Variants in CPSF4 observed in about 807,000 individuals in gnomAD.
CPSF4 encodes cleavage and polyadenylation specificity factor subunit 4.
A neutral mutation model predicts 37.7 loss-of-function variants in CPSF4; 11 were observed. The ratio of observed to expected loss-of-function variants is 0.29; its 90% CI spans 0.18 to 0.48. The LOEUF (loss-of-function observed/expected upper bound fraction) is 0.48. Ranked by LOEUF, CPSF4 falls within the 20% of genes least tolerant of loss-of-function variation. The probability of loss-of-function intolerance (pLI) is 0.99; values close to 1 mark genes in which losing one functional copy is unlikely to be tolerated. For synonymous variants in CPSF4, 132 were observed against 135.9 expected (o/e 0.97, Z 0.20); for missense variants, 144 against 359.5 (o/e 0.40, Z 4.85).
chr7:99,441,654 T>C (rs1796994961), intron 1 of CPSF4, among the ~76,000 whole-genome samples: 1 of 152,164 alleles, frequency 6.6e-6, no homozygotes, highest in South Asian at 2.1e-4. Context: ...GAAGCAACTC[T>C]AACCTCTAAA....
At chr7:99,442,877 C>G (rs1240584860) in intron 1 of CPSF4, 23 of 1,153,858 alleles carry the variant, frequency 2.0e-5, no homozygotes, top group Non-Finnish European at 2.9e-5. Context: ...TATCAAGAAC[C>G]TTTCATCAGG....
intron 3 of CPSF4, among the ~76,000 whole-genome samples, chr7:99,449,673 G>A (rs2151003375): frequency 1.3e-5 from 2 of 152,314 alleles, no homozygotes; most frequent in Middle Eastern, 6.8e-3. Flanking sequence ...GTAGCTGATA[G>A]GCCATGAGAC....
chr7:99,454,983 A>T (rs1375984711), intron 7 of CPSF4, among the ~76,000 whole-genome samples: 1 of 151,986 alleles, frequency 6.6e-6, no homozygotes, highest in Non-Finnish European at 1.5e-5. Flanking sequence ...TGGGCCCAGG[A>T]GGTCAAGCCT....
At position 99,448,534 on chromosome 7, in the gene CPSF4, GAGTGATCTGCCTGCCTC is replaced by G. The variant is rs1797705667; in HGVS notation, c.307+264_307+280del. The G allele has an allele frequency of 3.0e-6, 1 of 333,762 alleles. No homozygotes were observed. The highest frequency in any genetic ancestry group is 4.1e-5 in the South Asian group (1 of 24,412). The allele number at this position is 333,762 out of a possible 1,614,324, so 20.7% of individuals were successfully genotyped here. A position where few individuals can be genotyped will look rare whatever the true frequency, so the allele number is the denominator to read the frequency against. ...ATACTGGTCTTGAACTCCTGGGCTC[GAGTGATCTGCCTGCCTC>G]AGCCTCCCAAAGTGCTGGGATTACA... On this transcript the variant is annotated intron_variant, in intron 3 of 7. Coordinates refer to ENST00000292476, the MANE Select transcript of CPSF4 (RefSeq NM_006693.4). The surrounding 1 kb of genome is among the most constrained non-coding windows in gnomAD (Gnocchi z 4.4).
intron 1 of CPSF4, among the ~76,000 whole-genome samples, chr7:99,440,678 T>G (rs201962652): frequency 1.2e-5 from 1 of 84,174 alleles, no homozygotes; most frequent in African/African-American, 9.5e-5. Context: ...ATATATATTT[T>G]TTTTTTTTTT....
intron 2 of CPSF4, among the ~76,000 whole-genome samples, chr7:99,446,127 A>G (rs1207510551): frequency 1.3e-5 from 2 of 152,214 alleles, no homozygotes; most frequent in Non-Finnish European, 2.9e-5. Context: ...CTGGCAGATC[A>G]GCCAGGCCAC....
chr7:99,442,956 G>C (rs1307017351), intron 1 of CPSF4: 2 of 1,592,190 alleles, frequency 1.3e-6, no homozygotes, highest in East Asian at 2.2e-5. Context: ...AGTTCCAGCT[G>C]AACTTGTGAC....
intron 2 of CPSF4, among the ~76,000 whole-genome samples, chr7:99,445,678 G>C (rs1292465103): frequency 6.6e-6 from 1 of 152,166 alleles, no homozygotes; most frequent in Non-Finnish European, 1.5e-5. Flanking sequence ...GAGGTCAGGA[G>C]TTTGAGACCA....
At position 99,448,348 on chromosome 7, in the gene CPSF4, C is replaced by T; in HGVS notation, c.307+75C>T. The stretch of plus-strand genomic sequence containing the variant: ...GGGTCCGCTGGCTGCTCAGTGCCCA[C>T]ACTGTCTCTGCCTGCTTTTCCCATC... On this transcript the variant is annotated intron_variant, in intron 3 of 7. Transcript: ENST00000292476. This position sits in a 1 kb window ranked among gnomAD's most constrained non-coding sequence, Gnocchi z 4.4. The T allele has an allele frequency of 6.7e-7, 1 of 1,482,998 alleles. No individual in the cohort carries two copies. The highest frequency in any genetic ancestry group is 9.2e-7 in the Non-Finnish European group (1 of 1,087,464). 91.9% of individuals were successfully genotyped at this position (1,482,998 alleles called of 1,614,324 possible).
chr7:99,450,443 T>C, intron 4 of CPSF4, 72 bp downstream of exon 4: 2 of 1,091,994 alleles, frequency 1.8e-6, no homozygotes, highest in Non-Finnish European at 2.8e-6. Flanking sequence ...CCCTGGAGGC[T>C]GCCAGCTGGT....
chr7:99,452,682 C>G, intron 6 of CPSF4: 1 of 508,780 alleles, frequency 2.0e-6, no homozygotes, highest in Admixed American at 3.3e-5. Flanking sequence ...AGTCCAGGCG[C>G]CGTGCAACTG....
intron 1 of CPSF4, among the ~76,000 whole-genome samples, chr7:99,444,585 A>C (rs931514207): frequency 1.3e-5 from 2 of 152,082 alleles, no homozygotes; most frequent in Non-Finnish European, 2.9e-5. Context: ...TTCTCAATGT[A>C]TGTGTCTCAT....
intron 1 of CPSF4, among the ~76,000 whole-genome samples, chr7:99,441,107 C>T (rs1364755541): frequency 6.6e-6 from 1 of 151,906 alleles, no homozygotes; most frequent in Non-Finnish European, 1.5e-5. Context: ...CCCACCACCA[C>T]GCCCAACTAA....
intron 1 of CPSF4, among the ~76,000 whole-genome samples, chr7:99,442,666 A>C (rs1160294996): frequency 6.6e-6 from 1 of 151,234 alleles, no homozygotes; most frequent in Non-Finnish European, 1.5e-5. Flanking sequence ...AAAAAAAAAA[A>C]AAAAAAAAAC....
At chr7:99,439,280 C>T in intron 1 of CPSF4, 95 bp downstream of exon 1, 4 of 862,184 alleles carry the variant, frequency 4.6e-6, no homozygotes, top group Non-Finnish European at 6.9e-6. Flanking sequence ...GTCCTGAGAC[C>T]TCCCCCGGCT....
At chr7:99,442,757 T>C (rs1447472984) in intron 1 of CPSF4, 5 of 612,538 alleles carry the variant, frequency 8.2e-6, no homozygotes, top group Non-Finnish European at 1.2e-5. Context: ...GCCGCGGCAG[T>C]TCACAGTTTT....
intron 1 of CPSF4, chr7:99,443,206 T>A: frequency 2.6e-6 from 2 of 780,488 alleles, no homozygotes; most frequent in Non-Finnish European, 4.8e-6. Context: ...CTCTTCTGCA[T>A]TCTCTCAGCC....
intron 2 of CPSF4, 53 bp downstream of exon 2, chr7:99,444,892 T>A: frequency 6.6e-7 from 1 of 1,514,996 alleles, no homozygotes; most frequent in Non-Finnish European, 9.1e-7. Flanking sequence ...TCCCACCTCC[T>A]TCTCCCCGGC....
intron 2 of CPSF4, chr7:99,447,772 G>A (rs1269345771): frequency 4.5e-6 from 2 of 442,678 alleles, no homozygotes; most frequent in Admixed American, 2.4e-5. Flanking sequence ...TGTATTTTTA[G>A]AAGAGACAGG....
Sources: gnomAD v4.1 joint callset for allele counts (sites outside exome capture counted in the v4.1 genomes callset) on GRCh38, gnomAD v4.1.1 for gene constraint, Gnocchi (gnomAD v3.1) non-coding constraint, MANE v1.5 for transcripts, NCBI Gene and HGNC (gene_info 2026-07-23, HGNC 2026-07-21) for gene names.